The following TUSC3 variants were observed in gnomAD, a reference collection of about 807,000 sequenced individuals.
The protein encoded by TUSC3 is dolichyl-diphosphooligosaccharide--protein glycosyltransferase subunit TUSC3.
In TUSC3, 45 loss-of-function variants were observed where a neutral mutation model predicts 44.8. That is an observed-to-expected ratio of 1.00 (90% CI 0.79 to 1.29). The LOEUF (loss-of-function observed/expected upper bound fraction) is 1.29, where lower values mean the gene tolerates loss of function less well. Ranked by LOEUF, TUSC3 falls within the 50% of genes most tolerant of loss-of-function variation. The pLI is 0.00. For synonymous variants in TUSC3, 212 were observed against 152.9 expected (o/e 1.39, Z -2.85); for missense variants, 519 against 437.9 (o/e 1.19, Z -1.65).
rs79023587 is a variant in TUSC3, at chr8:15,475,445, T to C, written n.92-7941T>C. Among the ~76,000 whole-genome samples the C allele has an allele frequency of 6.3e-3, 958 of 152,312 alleles. 10 individuals are homozygous for C. Among genetic ancestry groups the C allele is most frequent in the African/African-American group, 0.021 (893 of 41,570 alleles). On this transcript the variant is annotated intron_variant and non_coding_transcript_variant, in intron 1 of 5. Coordinates refer to the TUSC3 transcript ENST00000503191. ...ATCCAGCTAATTATTACCAGTATTA[T>C]TCTTCCCATCTTTCAGTTTTCTGTT... is the stretch of plus-strand genomic sequence containing the variant.
At chr8:15,674,246 T>C (rs1029627044) in intron 6 of TUSC3, among the ~76,000 whole-genome samples, 2 of 152,012 alleles carry the variant, frequency 1.3e-5, no homozygotes, top group African/African-American at 4.8e-5. Context: ...CGGGTGGTCA[T>C]TGTATTAGAA....
chr8:15,563,233 G>A (rs537152318), intron 1 of TUSC3, among the ~76,000 whole-genome samples: 39 of 152,236 alleles, frequency 2.6e-4, no homozygotes, highest in Non-Finnish European at 3.1e-4. Flanking sequence ...AACTTCATGT[G>A]TGTCAGTCAG....
At chr8:15,780,430 C>G in the TUSC3 span, among the ~76,000 whole-genome samples, 36 of 152,282 alleles carry the variant, frequency 2.4e-4, no homozygotes, top group South Asian at 6.8e-3. Context: ...ACTAGGCATA[C>G]ACAAGAGTCT....
chr8:15,617,418 G>A (rs1055910635), intron 1 of TUSC3, among the ~76,000 whole-genome samples: 10 of 151,956 alleles, frequency 6.6e-5, no homozygotes, highest in South Asian at 2.1e-4. Context: ...GATTACAGGC[G>A]TGAGCCACCG....
intron 1 of TUSC3, among the ~76,000 whole-genome samples, chr8:15,591,407 T>C (rs1462046822): frequency 2.0e-5 from 3 of 152,172 alleles, no homozygotes; most frequent in Non-Finnish European, 2.9e-5. Context: ...ATCTATTCAT[T>C]TATTAATTTC....
In TUSC3 at chr8:15,651,793, T is replaced by C. The variant is rs74836840; in HGVS notation, c.426+979T>C. 5.1e-3 allele frequency among the ~76,000 whole-genome samples: 771 copies of C among 152,322 alleles called. 7 individuals are homozygous for C. Among genetic ancestry groups the C allele is most frequent in the African/African-American group, 0.018 (734 of 41,556 alleles). On this transcript the variant is annotated intron_variant, in intron 3 of 10. Coordinates refer to ENST00000503731, the MANE Select transcript of TUSC3 (RefSeq NM_006765.4). ...TAATAAGCTTATTTACCCAGTATTC[T>C]CTATAGAGCAAGGTATTAGACTTGC...
chr8:15,645,089 A>G (rs556806460), intron 2 of TUSC3, among the ~76,000 whole-genome samples: 1 of 152,290 alleles, frequency 6.6e-6, no homozygotes, highest in South Asian at 2.1e-4. Context: ...CATTAGAGTA[A>G]CATTGAAAGT....
At chr8:15,457,854 AATTATCT>A (rs1212311550) in intron 1 of TUSC3, among the ~76,000 whole-genome samples, 4 of 98,678 alleles carry the variant, frequency 4.1e-5, no homozygotes, top group Admixed American at 1.2e-4. Context: ...ATTATCTAAT[AATTATCT>A]AATAAATTAA....
chr8:15,570,305 C>T (rs970260732), intron 1 of TUSC3, among the ~76,000 whole-genome samples: 2 of 150,704 alleles, frequency 1.3e-5, no homozygotes, highest in African/African-American at 4.9e-5. Context: ...CACACACACT[C>T]TTACTGAAAC....
intron 3 of TUSC3, among the ~76,000 whole-genome samples, chr8:15,658,661 A>AAATACAATATATATACAC (rs1744843175): frequency 1.8e-5 from 2 of 111,482 alleles, no homozygotes; most frequent in African/African-American, 7.5e-5. Flanking sequence ...CACACACACA[A>AAATACAATATATATACAC]ATACAATATA....
intron 2 of TUSC3, among the ~76,000 whole-genome samples, chr8:15,502,159 G>A (rs1264849258): frequency 6.6e-6 from 1 of 152,166 alleles, no homozygotes; most frequent in African/African-American, 2.4e-5. Context: ...CACTGTTCAC[G>A]TGTAAGTCAA....
chr8:15,674,849 G>T (rs1349545325), intron 6 of TUSC3, among the ~76,000 whole-genome samples: 1 of 151,926 alleles, frequency 6.6e-6, no homozygotes, highest in Admixed American at 6.6e-5. Flanking sequence ...TCAAAATTCA[G>T]TTATACAAAG....
At chr8:15,667,013 T>C (rs879738113) in intron 5 of TUSC3, among the ~76,000 whole-genome samples, 3 of 151,610 alleles carry the variant, frequency 2.0e-5, no homozygotes, top group Non-Finnish European at 4.4e-5. Flanking sequence ...GGATAGATTT[T>C]AGCATTTGAA....
intron 2 of TUSC3, among the ~76,000 whole-genome samples, chr8:15,492,665 A>C (rs933357654): frequency 6.6e-6 from 1 of 152,030 alleles, no homozygotes; most frequent in African/African-American, 2.4e-5. Flanking sequence ...GGCTGGGCAC[A>C]GTGGCTCACA....
In TUSC3 at chr8:15,450,750, C is replaced by T. The variant is rs190174214; in HGVS notation, n.92-32636C>T. On this transcript the variant is annotated intron_variant and non_coding_transcript_variant, in intron 1 of 5. Coordinates refer to the TUSC3 transcript ENST00000503191. ...AAGCCTTAGTAACACAGAAGTTCTA[C>T]TAATCAGAGATCTGAATTGAATGTA... Among the ~76,000 whole-genome samples, 316 of 152,274 alleles carry T rather than the reference C, an allele frequency of 2.1e-3. 1 individual carries two copies. Among genetic ancestry groups the T allele is most frequent in the African/African-American group, 7.3e-3 (304 of 41,538 alleles).
chr8:15,814,466 CAACGCAAT>C, the TUSC3 span, among the ~76,000 whole-genome samples: 13 of 152,274 alleles, frequency 8.5e-5, no homozygotes, highest in Admixed American at 7.2e-4. Context: ...TAAGCTACTC[CAACGCAAT>C]GCGTTGCCAA....
chr8:15,771,219 A>G (rs35587232), downstream of TUSC3, among the ~76,000 whole-genome samples: 51,483 of 151,930 alleles, frequency 0.34, 9,368 homozygotes, highest in East Asian at 0.45. Context: ...ACATAGACCT[A>G]TACCATAAAA....
At chr8:15,583,807 A>G (rs1470487595) in intron 1 of TUSC3, among the ~76,000 whole-genome samples, 1 of 152,206 alleles carries the variant, frequency 6.6e-6, no homozygotes, top group Admixed American at 6.5e-5. Flanking sequence ...AAGAAGTATA[A>G]GCCATTTATG....
intron 10 of TUSC3, among the ~76,000 whole-genome samples, chr8:15,762,356 AAAC>A (rs1419055368): frequency 6.6e-6 from 1 of 152,086 alleles, no homozygotes; most frequent in Non-Finnish European, 1.5e-5. Flanking sequence ...ATAATGATAT[AAAC>A]AACTGATTGT....
Sources: gnomAD v4.1 joint callset for allele counts (sites outside exome capture counted in the v4.1 genomes callset) on GRCh38, gnomAD v4.1.1 for gene constraint, MANE v1.5 for transcripts, NCBI Gene and HGNC (gene_info 2026-07-23, HGNC 2026-07-21) for gene names.